POU6F2: variants seen among roughly 807,000 people sequenced by gnomAD.
The protein encoded by POU6F2 is POU domain, class 6, transcription factor 2.
Under a neutral mutation model 71.3 loss-of-function variants are expected in POU6F2, and 31 were observed. The ratio of observed to expected loss-of-function variants is 0.43; its 90% CI spans 0.33 to 0.59. The LOEUF (loss-of-function observed/expected upper bound fraction) is 0.59. Among genes scored for constraint, POU6F2 ranks in the 20% least tolerant of loss-of-function variants. POU6F2 has a pLI of 0.04. For missense variants in POU6F2, 783 were observed against 856.8 expected (o/e 0.91, Z 1.07); for synonymous variants, 347 against 355.7 (o/e 0.98, Z 0.27).
At chr7:39,365,695 AC>A (rs1786487132) in intron 5 of POU6F2, among the ~76,000 whole-genome samples, 2 of 152,166 alleles carry the variant, frequency 1.3e-5, no homozygotes, top group East Asian at 1.9e-4. Context: ...CAAGAAAAAA[AC>A]AATCCCATCA....
chr7:39,121,310 A>G (rs1287466539), intron 2 of POU6F2, among the ~76,000 whole-genome samples: 1 of 152,220 alleles, frequency 6.6e-6, no homozygotes, highest in Admixed American at 6.5e-5. Flanking sequence ...CCAAGATGAA[A>G]TGCAATAATA....
chr7:39,285,970 A>G (rs540639137), intron 4 of POU6F2, among the ~76,000 whole-genome samples: 5 of 152,358 alleles, frequency 3.3e-5, no homozygotes, highest in Admixed American at 1.3e-4. Context: ...GATTCGCAAT[A>G]AATGCTGATT....
At chr7:39,008,735 A>G (rs1789166386) in intron 1 of POU6F2, among the ~76,000 whole-genome samples, 1 of 150,630 alleles carries the variant, frequency 6.6e-6, no homozygotes, top group South Asian at 2.1e-4. Context: ...TCAGCTTTCT[A>G]CATATGGCTA....
intron 7 of POU6F2, among the ~76,000 whole-genome samples, chr7:39,435,565 C>T (rs886842653): frequency 6.6e-6 from 1 of 152,062 alleles, no homozygotes; most frequent in Non-Finnish European, 1.5e-5. Context: ...AAATTTTCTC[C>T]CATTCTGTAG....
At chr7:39,253,097 C>T (rs1783958503) in intron 4 of POU6F2, among the ~76,000 whole-genome samples, 1 of 152,208 alleles carries the variant, frequency 6.6e-6, no homozygotes, top group Non-Finnish European at 1.5e-5. Context: ...GCTATTATCC[C>T]TTCTCCAGCA....
At chr7:39,444,924 A>G (rs913037545) in intron 7 of POU6F2, among the ~76,000 whole-genome samples, 3 of 152,202 alleles carry the variant, frequency 2.0e-5, no homozygotes, top group African/African-American at 4.8e-5. Context: ...GGAGAGAAAA[A>G]TGAAAGGAAA....
intron 2 of POU6F2, among the ~76,000 whole-genome samples, chr7:39,169,328 A>T (rs1793170672): frequency 6.6e-6 from 1 of 152,200 alleles, no homozygotes; most frequent in Non-Finnish European, 1.5e-5. Flanking sequence ...TCACTATTTT[A>T]AAGCCATTAT....
At chr7:39,457,274 A>G (rs565618154) in intron 8 of POU6F2, among the ~76,000 whole-genome samples, 5 of 152,312 alleles carry the variant, frequency 3.3e-5, no homozygotes, top group African/African-American at 1.2e-4. Flanking sequence ...GGAGTAGACC[A>G]TGGAAACCCT....
intron 2 of POU6F2, among the ~76,000 whole-genome samples, chr7:39,098,467 G>GA (rs1027564821): frequency 1.5e-5 from 2 of 130,556 alleles, no homozygotes; most frequent in South Asian, 5.1e-4. Flanking sequence ...TTGCAAGAGA[G>GA]GGGGGGTCTC....
intron 8 of POU6F2, among the ~76,000 whole-genome samples, chr7:39,459,615 G>T (rs1193531703): frequency 6.6e-6 from 1 of 152,178 alleles, no homozygotes; most frequent in Non-Finnish European, 1.5e-5. Flanking sequence ...AAAAGGAAGA[G>T]AAAAACTTTT....
chr7:39,227,826 G>T (rs1794499985), intron 4 of POU6F2, among the ~76,000 whole-genome samples: 2 of 152,210 alleles, frequency 1.3e-5, no homozygotes, highest in Admixed American at 6.5e-5. Flanking sequence ...CAAAGTGCTG[G>T]GATTACAGGC....
rs777730991 is a variant in POU6F2, at chr7:39,207,389, C to G, written c.370-3C>G. ...TGAGCTAGCTGTATCTGTTTCCTTG[C>G]AGCCACTTCTGACGGCACAGCAGTT... is the stretch of plus-strand genomic sequence containing the variant. On this transcript the variant is annotated splice_polypyrimidine_tract_variant and splice_region_variant and intron_variant, in intron 3 of 9. Transcript: ENST00000518318. The G allele has an allele frequency of 6.2e-7, 1 of 1,613,230 alleles. No homozygotes were observed. The highest frequency in any genetic ancestry group is 8.5e-7 in the Non-Finnish European group (1 of 1,179,330).
chr7:39,174,944 G>A (rs1793299201), intron 2 of POU6F2, among the ~76,000 whole-genome samples: 1 of 152,110 alleles, frequency 6.6e-6, no homozygotes, highest in Non-Finnish European at 1.5e-5. Flanking sequence ...TCAGCCATGT[G>A]CTCCTTGTAC....
In POU6F2 at chr7:39,323,653, A is replaced by G. The variant is rs557303972; in HGVS notation, c.599-15989A>G. On this transcript the variant is annotated intron_variant, in intron 4 of 9. Coordinates refer to ENST00000518318, the MANE Select transcript of POU6F2 (RefSeq NM_001370959.1). The stretch of plus-strand genomic sequence containing the variant: ...TTAATTCCTTGGGCTGAGAGATATC[A>G]TATTCCCTTCTTTAAAAAAATTAAT... Among the ~76,000 whole-genome samples, 3 of 152,316 alleles carry G rather than the reference A, an allele frequency of 2.0e-5. No homozygotes were observed. The East Asian group carries it at 5.8e-4, about 29-fold the overall frequency.
At chr7:39,061,711 T>C (rs977288696) in intron 1 of POU6F2, among the ~76,000 whole-genome samples, 2 of 152,228 alleles carry the variant, frequency 1.3e-5, no homozygotes, top group African/African-American at 4.8e-5. Flanking sequence ...TCCAAAATTC[T>C]AATTTTTTTC....
intron 2 of POU6F2, among the ~76,000 whole-genome samples, chr7:39,100,973 A>C (rs1390774483): frequency 6.6e-6 from 1 of 152,094 alleles, no homozygotes; most frequent in East Asian, 1.9e-4. Flanking sequence ...TTCTTTACTG[A>C]GCCTGTCACC....
Position 39,235,853 on chromosome 7 carries a change from A to T in POU6F2, c.598+28233A>T, listed in dbSNP as rs181345099. Among the ~76,000 whole-genome samples, 61 of 152,274 alleles carry T rather than the reference A, an allele frequency of 4.0e-4. 1 individual carries two copies. Among genetic ancestry groups the T allele is most frequent in the Non-Finnish European group, 3.4e-4 (23 of 68,026 alleles). ...TTGATGCAAACACATGTGGGGGAAAATGAGCCTGTACCTCCTGGATCACAC... is the reference window on the plus strand; with the variant it reads ...TTGATGCAAACACATGTGGGGGAAATTGAGCCTGTACCTCCTGGATCACAC... On this transcript the variant is annotated intron_variant, in intron 4 of 9. Transcript: ENST00000518318.
chr7:39,467,453 G>A lies in POU6F2; in HGVS notation c.*2767G>A, dbSNP rs1053174566. ...TATGTTTCCATGAACTGAAGGTTAA[G>A]GTTGCCACCCACAAAAAATAAAAGC... On this transcript the variant is annotated 3_prime_UTR_variant, in exon 10 of 10. Coordinates refer to ENST00000518318, the MANE Select transcript of POU6F2 (RefSeq NM_001370959.1). The A allele has an allele frequency of 6.6e-6, 1 of 152,140 alleles. No individual in the cohort carries two copies. Among genetic ancestry groups the A allele is most frequent in the South Asian group, 2.1e-4 (1 of 4,826 alleles). The allele number at this position is 152,140 out of a possible 1,614,324, so 9.4% of individuals were successfully genotyped here. A position where few individuals can be genotyped will look rare whatever the true frequency, so the allele number is the denominator to read the frequency against.
At chr7:39,428,925 G>A (rs11769625) in intron 6 of POU6F2, among the ~76,000 whole-genome samples, 46,386 of 137,354 alleles carry the variant, frequency 0.34, 8,407 homozygotes, top group East Asian at 0.59. Flanking sequence ...GAGAACACTT[G>A]CACACAGGGT....
Sources: gnomAD v4.1 joint callset for allele counts (sites outside exome capture counted in the v4.1 genomes callset) on GRCh38, gnomAD v4.1.1 for gene constraint, MANE v1.5 for transcripts, NCBI Gene and HGNC (gene_info 2026-07-23, HGNC 2026-07-21) for gene names.